The following TRPM3 variants were observed in gnomAD, a reference collection of about 807,000 sequenced individuals.
TRPM3 encodes the protein transient receptor potential cation channel subfamily M member 3, also known as long transient receptor potential channel 3.
TRPM3 carries 77 observed loss-of-function variants against 181.2 expected under a neutral mutation model. That is an observed-to-expected ratio of 0.42 (90% CI 0.35 to 0.51). The LOEUF (loss-of-function observed/expected upper bound fraction) is 0.51, where lower values mean the gene tolerates loss of function less well. TRPM3 is among the 20% of genes least tolerant of loss of function. TRPM3 has a pLI of 0.01. For synonymous variants in TRPM3, 745 were observed against 796.4 expected (o/e 0.94, Z 1.09); for missense variants, 1,759 against 2,196.7 (o/e 0.80, Z 3.98).
intron 1 of TRPM3, among the ~76,000 whole-genome samples, chr9:71,040,151 AC>A (rs1370252514): frequency 6.6e-6 from 1 of 152,190 alleles, no homozygotes; most frequent in African/African-American, 2.4e-5. Flanking sequence ...TTTCAATCTT[AC>A]ACAAACAAGT....
intron 1 of TRPM3, among the ~76,000 whole-genome samples, chr9:71,047,858 A>ACT (rs1222022864): frequency 1.5e-5 from 2 of 135,396 alleles, no homozygotes; most frequent in Non-Finnish European, 3.2e-5. Flanking sequence ...ACACACACAC[A>ACT]CTCACACAAC....
At chr9:70,662,245 C>T (rs1444342574) in intron 9 of TRPM3, among the ~76,000 whole-genome samples, 1 of 152,020 alleles carries the variant, frequency 6.6e-6, no homozygotes, top group African/African-American at 2.4e-5. Context: ...ACTGGATCTC[C>T]ATCTGTCACC....
chr9:70,663,543 T>TCC (rs2061411925), intron 9 of TRPM3, among the ~76,000 whole-genome samples: 1 of 152,218 alleles, frequency 6.6e-6, no homozygotes, highest in Admixed American at 6.5e-5. Flanking sequence ...TGCCACTATT[T>TCC]CCCCTGAATC....
At chr9:70,603,257 C>T in intron 20 of TRPM3, 85 bp downstream of exon 20, 1 of 1,491,354 alleles carries the variant, frequency 6.7e-7, no homozygotes, top group Non-Finnish European at 9.1e-7. Context: ...TAATTTGCAT[C>T]CCAGGCATCT....
chr9:71,315,001 G>A (rs1308617435), intron 1 of TRPM3, among the ~76,000 whole-genome samples: 4 of 152,116 alleles, frequency 2.6e-5, no homozygotes, highest in African/African-American at 9.7e-5. Flanking sequence ...CTTGTACAAG[G>A]TTCTTGGCCA....
At chr9:70,771,802 A>T (rs2130585199) in intron 7 of TRPM3, among the ~76,000 whole-genome samples, 1 of 152,174 alleles carries the variant, frequency 6.6e-6, no homozygotes, top group Non-Finnish European at 1.5e-5. Context: ...GCTTATCTTG[A>T]TCTCCCTTAC....
Position 70,537,116 on chromosome 9 carries a change from C to T in TRPM3, c.3997G>A (p.Glu1333Lys). The change falls in exon 26 of 26, where the codon GAG becomes AAG. Residue 1333 changes from glutamate to lysine, a missense_variant. By Grantham distance (56) the Glu-to-Lys change is moderately conservative. Coordinates refer to ENST00000677713, the MANE Select transcript of TRPM3 (RefSeq NM_001366145.2). ...LQESIDPAGE[E>K]TMSPTSPTLM... is the part of the protein sequence containing the mutation. ...GTTGGAGAAGTTGGGGACATGGTCTCCTCACCTGCAGGGTCTATACTCTCT... is the reference window on the plus strand; with the variant it reads ...GTTGGAGAAGTTGGGGACATGGTCTTCTCACCTGCAGGGTCTATACTCTCT... The T allele has an allele frequency of 1.2e-6, 2 of 1,608,512 alleles. No homozygotes were observed. The highest frequency in any genetic ancestry group is 1.7e-6 in the Non-Finnish European group (2 of 1,175,322).
rs2084912067 is a variant in TRPM3 at position 71,282,403 on chromosome 9, AAAG to A, written c.183+164247_183+164249del. Among the ~76,000 whole-genome samples, 2 of 77,926 alleles carry A rather than the reference AAAG, an allele frequency of 2.6e-5. 1 individual carries two copies. Among genetic ancestry groups the A allele is most frequent in the African/African-American group, 1.6e-4 (2 of 12,798 alleles). The allele number at this position is 77,926 out of a possible 152,430, so 51.1% of individuals were successfully genotyped here. A position where few individuals can be genotyped will look rare whatever the true frequency, so the allele number is the denominator to read the frequency against. ...AGAAAGAAAGGAAAGAAAGAAAGGAAAAGAAAGAAAAAGAAAAAGAAAGAAAAA... is the reference window on the plus strand; with the variant it reads ...AGAAAGAAAGGAAAGAAAGAAAGGAAAAAGAAAAAGAAAAAGAAAGAAAAA... On this transcript the variant is annotated intron_variant, in intron 1 of 24. Transcript: ENST00000357533.
chr9:71,013,288 G>A (rs1009184473), intron 1 of TRPM3, among the ~76,000 whole-genome samples: 8 of 152,044 alleles, frequency 5.3e-5, no homozygotes, highest in East Asian at 1.9e-4. Flanking sequence ...TTGCATTTCC[G>A]AAATAAATCT....
chr9:70,837,723 C>T (rs1234970683), intron 5 of TRPM3, among the ~76,000 whole-genome samples: 1 of 152,128 alleles, frequency 6.6e-6, no homozygotes, highest in Non-Finnish European at 1.5e-5. Flanking sequence ...GTGATACTTT[C>T]AGAATCCTCT....
chr9:70,936,289 TAAAAC>T (rs2096827823), intron 1 of TRPM3, among the ~76,000 whole-genome samples: 1 of 152,176 alleles, frequency 6.6e-6, no homozygotes, highest in African/African-American at 2.4e-5. Flanking sequence ...CAAGGATTTT[TAAAAC>T]AAAACAACAA....
intron 1 of TRPM3, among the ~76,000 whole-genome samples, chr9:71,108,741 T>A (rs2070339841): frequency 6.6e-6 from 1 of 152,192 alleles, no homozygotes; most frequent in Non-Finnish European, 1.5e-5. Flanking sequence ...TGGGTCCCTG[T>A]GGCTGTACTT....
chr9:70,598,693 GAGTTA>G, intron 20 of TRPM3, 23 bp from the exon 21 acceptor site: 1 of 1,606,760 alleles, frequency 6.2e-7, no homozygotes, highest in Non-Finnish European at 8.5e-7. Flanking sequence ...AAGGAGAGCA[GAGTTA>G]GGTCTGGTTT....
intron 1 of TRPM3, among the ~76,000 whole-genome samples, chr9:71,441,628 G>A (rs147579140): frequency 2.8e-5 from 4 of 144,816 alleles, no homozygotes; most frequent in African/African-American, 5.1e-5. Context: ...CCTTTGACTC[G>A]GCTTTTTTTT....
intron 22 of TRPM3, among the ~76,000 whole-genome samples, chr9:70,587,614 A>G (rs1227075793): frequency 6.6e-6 from 1 of 152,120 alleles, no homozygotes; most frequent in Admixed American, 6.5e-5. Flanking sequence ...CCTCTTTTCT[A>G]AGTGGCTTTT....
intron 6 of TRPM3, among the ~76,000 whole-genome samples, chr9:70,803,492 G>A (rs1024338505): frequency 1.0e-4 from 14 of 137,316 alleles, no homozygotes; most frequent in Non-Finnish European, 1.7e-4. Context: ...CGCTCAGCCT[G>A]GGCTGGAGTG....
intron 1 of TRPM3, among the ~76,000 whole-genome samples, chr9:70,985,974 C>G (rs1449153256): frequency 1.3e-5 from 2 of 152,108 alleles, no homozygotes; most frequent in African/African-American, 2.4e-5. Context: ...CAGTTCTAAA[C>G]AAAGTTAATG....
At chr9:70,892,621 A>C (rs1297381629) in intron 1 of TRPM3, among the ~76,000 whole-genome samples, 1 of 151,770 alleles carries the variant, frequency 6.6e-6, no homozygotes, top group Non-Finnish European at 1.5e-5. Flanking sequence ...AAAAAAAAAA[A>C]AAAAAACTAG....
intron 9 of TRPM3, among the ~76,000 whole-genome samples, chr9:70,644,517 C>G (rs573717203): frequency 1.3e-5 from 2 of 152,100 alleles, no homozygotes; most frequent in Non-Finnish European, 2.9e-5. Flanking sequence ...CCCCTTCATG[C>G]TAAAAACTCT....
Sources: allele counts gnomAD v4.1 joint callset (sites outside exome capture counted in the v4.1 genomes callset), GRCh38; gene constraint gnomAD v4.1.1; transcripts MANE v1.5; gene names NCBI Gene and HGNC (gene_info 2026-07-23, HGNC 2026-07-21).